The following ADAM2 variants were observed in gnomAD, a reference collection of about 807,000 sequenced individuals.
ADAM2 encodes ADAM metallopeptidase domain 2.
Under a neutral mutation model 99.3 loss-of-function variants are expected in ADAM2, and 101 were observed. That is an observed-to-expected ratio of 1.02 (90% confidence interval 0.87 to 1.20). The LOEUF (loss-of-function observed/expected upper bound fraction) is 1.20. Among genes scored for constraint, ADAM2 ranks in the 50% most tolerant of loss-of-function variants. The pLI is 0.00. For synonymous variants in ADAM2, 323 were observed against 287.6 expected (o/e 1.12, Z -1.25); for missense variants, 948 against 878.7 (o/e 1.08, Z -1.00).
intron 14 of ADAM2, among the ~76,000 whole-genome samples, chr8:39,764,129 G>A (rs973604592): frequency 1.3e-5 from 2 of 152,236 alleles, no homozygotes; most frequent in Non-Finnish European, 2.9e-5. Flanking sequence ...CAAAGGGTCA[G>A]ATGCAGTGGC....
intron 3 of ADAM2, among the ~76,000 whole-genome samples, chr8:39,831,703 A>C (rs1317567948): frequency 1.3e-5 from 2 of 152,190 alleles, no homozygotes; most frequent in African/African-American, 4.8e-5. Context: ...TGAAGAGTAG[A>C]TTAGACATAC....
chr8:39,831,344 C>G (rs1046740463), intron 3 of ADAM2, among the ~76,000 whole-genome samples: 2 of 152,092 alleles, frequency 1.3e-5, no homozygotes, highest in Non-Finnish European at 2.9e-5. Context: ...TTTGACCCAG[C>G]TAATTGTCAT....
chr8:39,795,280 A>G (rs1010256211), intron 7 of ADAM2, among the ~76,000 whole-genome samples: 1 of 152,124 alleles, frequency 6.6e-6, no homozygotes, highest in Non-Finnish European at 1.5e-5. Flanking sequence ...CTGAAAAACA[A>G]GTTCAGGCCA....
intron 7 of ADAM2, among the ~76,000 whole-genome samples, chr8:39,798,556 A>C (rs892491914): frequency 6.6e-6 from 1 of 152,152 alleles, no homozygotes. Flanking sequence ...GGCTTCATCA[A>C]ATGACTTAGG....
rs534890726 is a variant in ADAM2, at chr8:39,749,376, T to A, written c.1950A>T (p.Leu650=). The change falls in exon 18 of 21, where the codon CTA becomes CTT. Residue 650 remains leucine, a synonymous_variant. Coordinates refer to ENST00000265708, the MANE Select transcript of ADAM2 (RefSeq NM_001464.5). ...LPPDCSVQSD[L]WPGGSIDSGN... ...CACTGTCAATACTCCCACCAGGCCA[T>A]AGATCTGATTGAACTGAGCAATCTG... is the stretch of plus-strand genomic sequence containing the variant. 154 of 1,613,538 alleles carry A rather than the reference T, an allele frequency of 9.5e-5. 2 individuals are homozygous for A. In the South Asian group the frequency reaches 1.1e-3, roughly 12 times the overall value.
intron 4 of ADAM2, 86 bp from the exon 5 acceptor site, chr8:39,821,748 G>A: frequency 1.1e-6 from 1 of 894,738 alleles, no homozygotes; most frequent in Non-Finnish European, 1.8e-6. Flanking sequence ...TATGTGTTTT[G>A]TTTTTATGCA....
intron 10 of ADAM2, among the ~76,000 whole-genome samples, chr8:39,778,239 C>T (rs1019819542): frequency 6.6e-6 from 1 of 151,840 alleles, no homozygotes; most frequent in East Asian, 1.9e-4. Context: ...TCTAGGTATA[C>T]ATTTTGATTT....
rs746601823 is a variant in ADAM2 at position 39,821,110 on chromosome 8, G to T, written c.405C>A (p.Gly135=). The T allele has an allele frequency of 1.2e-6, 2 of 1,611,838 alleles. No homozygotes were observed. Among genetic ancestry groups the T allele is most frequent in the Admixed American group, 1.7e-5 (1 of 59,916 alleles). ...TTACTTGGTAAATTACATGTTCAAA[G>T]CCAACTGAAGACTCCAGGGGTTCTA... The part of the protein sequence containing the change: ...YGIEPLESSV[G]FEHVIYQVKH... The change falls in exon 6 of 21, where the codon GGC becomes GGA. Residue 135 remains glycine, a synonymous_variant. Coordinates refer to ENST00000265708, the MANE Select transcript of ADAM2 (RefSeq NM_001464.5).
chr8:39,800,988 A>G (rs1300997543), intron 7 of ADAM2, among the ~76,000 whole-genome samples: 1 of 152,096 alleles, frequency 6.6e-6, no homozygotes, highest in East Asian at 1.9e-4. Flanking sequence ...TTAGCTAATC[A>G]TAGTTTTTTA....
chr8:39,771,873 A>T (rs569415988), intron 11 of ADAM2, among the ~76,000 whole-genome samples: 2 of 152,194 alleles, frequency 1.3e-5, no homozygotes, highest in Admixed American at 6.5e-5. Context: ...TACATTTACC[A>T]TGTGTGAACT....
chr8:39,834,366 T>G (rs896861522), intron 2 of ADAM2, among the ~76,000 whole-genome samples: 1 of 152,180 alleles, frequency 6.6e-6, no homozygotes, highest in Non-Finnish European at 1.5e-5. Context: ...CTTCTGATTT[T>G]GGATGCTGTT....
intron 11 of ADAM2, among the ~76,000 whole-genome samples, chr8:39,769,950 C>CTTTTTTTTTTTTTTTTT (rs60250805): frequency 1.5e-5 from 2 of 134,854 alleles, no homozygotes; most frequent in Admixed American, 7.7e-5. Flanking sequence ...TTTCTTTTTT[C>CTTTTTTTTTTTTTTTTT]TTTTTTTTTT....
chr8:39,759,896 T>G (rs1431756454), intron 15 of ADAM2, among the ~76,000 whole-genome samples: 2 of 152,206 alleles, frequency 1.3e-5, no homozygotes, highest in Non-Finnish European at 2.9e-5. Flanking sequence ...AGGTGGAGTC[T>G]CGCTCTGTCG....
At chr8:39,780,818 T>A (rs1284351651) in intron 10 of ADAM2, among the ~76,000 whole-genome samples, 3 of 152,190 alleles carry the variant, frequency 2.0e-5, no homozygotes. Context: ...ATGGTTGTTA[T>A]TTTTTGGTCT....
chr8:39,760,801 A>G (rs988480441), intron 15 of ADAM2, among the ~76,000 whole-genome samples: 3 of 146,126 alleles, frequency 2.1e-5, no homozygotes, highest in East Asian at 2.1e-4. Flanking sequence ...CTTCTTTACT[A>G]TGAGGATTGT....
At chr8:39,793,398 T>C (rs1342818814) in intron 7 of ADAM2, among the ~76,000 whole-genome samples, 2 of 152,132 alleles carry the variant, frequency 1.3e-5, no homozygotes, top group Non-Finnish European at 2.9e-5. Context: ...AAGGGATGGA[T>C]GGACCAAAGG....
At chr8:39,821,559 G>T (rs201031383) in intron 5 of ADAM2, 27 bp downstream of exon 5, 4 of 1,457,234 alleles carry the variant, frequency 2.7e-6, no homozygotes, top group Non-Finnish European at 1.9e-6. Context: ...ATTTTATTTT[G>T]TAATTCATAA....
intron 15 of ADAM2, among the ~76,000 whole-genome samples, chr8:39,758,507 T>C (rs1802236080): frequency 6.6e-6 from 1 of 151,852 alleles, no homozygotes; most frequent in Non-Finnish European, 1.5e-5. Flanking sequence ...TTCTAACTTT[T>C]ATATGTCTGA....
At chr8:39,837,955 C>T (rs907602739) in intron 1 of ADAM2, among the ~76,000 whole-genome samples, 176 bp downstream of exon 1, 1 of 152,184 alleles carries the variant, frequency 6.6e-6, no homozygotes, top group Non-Finnish European at 1.5e-5. Flanking sequence ...TGGGAAAGCC[C>T]TTATTCTACG....
Sources: gnomAD v4.1 joint callset for allele counts (sites outside exome capture counted in the v4.1 genomes callset) on GRCh38, gnomAD v4.1.1 for gene constraint, MANE v1.5 for transcripts, NCBI Gene and HGNC (gene_info 2026-07-23, HGNC 2026-07-21) for gene names.